The following RBFOX1 variants were observed in gnomAD, a reference collection of about 807,000 sequenced individuals.
RBFOX1 encodes RNA binding protein fox-1 homolog 1.
Under a neutral mutation model 57.7 loss-of-function variants are expected in RBFOX1, and 8 were observed. The observed-to-expected ratio is 0.14, with a 90% confidence interval of 0.08 to 0.25. The LOEUF (loss-of-function observed/expected upper bound fraction) is 0.25, where lower values mean the gene tolerates loss of function less well. Among genes scored for constraint, RBFOX1 ranks in the 10% least tolerant of loss-of-function variants. RBFOX1 has a pLI of 1.00. For missense variants in RBFOX1, 611 were observed against 548.5 expected (o/e 1.11, Z -1.14); for synonymous variants, 326 against 222.4 (o/e 1.47, Z -4.15).
At chr16:6,649,743 GT>G (rs2098564525) in intron 2 of RBFOX1, among the ~76,000 whole-genome samples, 1 of 152,052 alleles carries the variant, frequency 6.6e-6, no homozygotes, top group Non-Finnish European at 1.5e-5. Context: ...TGTTGGGGAA[GT>G]ATTTTATTAC....
intron 4 of RBFOX1, among the ~76,000 whole-genome samples, chr16:7,087,346 C>T (rs2060146033): frequency 6.6e-6 from 1 of 152,142 alleles, no homozygotes; most frequent in Non-Finnish European, 1.5e-5. Flanking sequence ...CACCCGCCAT[C>T]AGGAAATGGT....
downstream of RBFOX1, among the ~76,000 whole-genome samples, chr16:5,604,788 A>G (rs1027050528): frequency 6.6e-6 from 1 of 152,074 alleles, no homozygotes; most frequent in Non-Finnish European, 1.5e-5. Flanking sequence ...AAAGGGGCTC[A>G]TGGGCCCCCC....
At chr16:7,117,928 G>T (rs2151735409) in intron 4 of RBFOX1, among the ~76,000 whole-genome samples, 1 of 152,286 alleles carries the variant, frequency 6.6e-6, no homozygotes, top group Middle Eastern at 3.4e-3. Flanking sequence ...TGGAGAGAGA[G>T]ACAGAGACAG....
At chr16:5,429,645 G>A (rs550668722) in intron 1 of RBFOX1, among the ~76,000 whole-genome samples, 2 of 152,296 alleles carry the variant, frequency 1.3e-5, no homozygotes, top group South Asian at 4.1e-4. Context: ...TGAGGTGTGG[G>A]TGGCACAAAG....
chr16:5,605,067 A>C (rs780905037), downstream of RBFOX1, among the ~76,000 whole-genome samples: 1 of 151,992 alleles, frequency 6.6e-6, no homozygotes, highest in Non-Finnish European at 1.5e-5. Context: ...CTGAGCATTG[A>C]CTCAGGTTTG....
chr16:6,882,537 A>C (rs1381470591), intron 3 of RBFOX1, among the ~76,000 whole-genome samples: 1 of 152,126 alleles, frequency 6.6e-6, no homozygotes, highest in Admixed American at 6.6e-5. Context: ...GGGAGGTTGC[A>C]GTGAGCTGAG....
intron 2 of RBFOX1, among the ~76,000 whole-genome samples, chr16:6,593,208 A>G (rs980134442): frequency 3.3e-5 from 5 of 152,044 alleles, no homozygotes; most frequent in Non-Finnish European, 7.4e-5. Flanking sequence ...ATAAAATAAA[A>G]AAGAGAGTGG....
At chr16:7,141,694 CT>C (rs2073832351) in intron 4 of RBFOX1, among the ~76,000 whole-genome samples, 1 of 152,158 alleles carries the variant, frequency 6.6e-6, no homozygotes, top group African/African-American at 2.4e-5. Flanking sequence ...CTACTATAGT[CT>C]TTTGGATCCC....
intron 2 of RBFOX1, among the ~76,000 whole-genome samples, chr16:6,592,993 G>C (rs148786405): frequency 1.3e-5 from 2 of 152,130 alleles, no homozygotes; most frequent in African/African-American, 2.4e-5. Context: ...AGGAGTTCAC[G>C]ACTAGCCCGG....
chr16:6,874,985 A>T (rs1051831686), intron 3 of RBFOX1, among the ~76,000 whole-genome samples: 1 of 152,238 alleles, frequency 6.6e-6, no homozygotes, highest in African/African-American at 2.4e-5. Context: ...CCATGTTACT[A>T]ATCTTAAAAA....
At chr16:5,788,906 G>T (rs2054599206) in intron 3 of RBFOX1, among the ~76,000 whole-genome samples, 1 of 152,160 alleles carries the variant, frequency 6.6e-6, no homozygotes, top group African/African-American at 2.4e-5. Context: ...CACCCCATAT[G>T]TAAGGCTTTC....
intron 1 of RBFOX1, among the ~76,000 whole-genome samples, chr16:6,159,325 C>T (rs1308946518): frequency 6.6e-6 from 1 of 152,208 alleles, no homozygotes; most frequent in Non-Finnish European, 1.5e-5. Flanking sequence ...GATCTGCCCG[C>T]CTCGGCCTCC....
At chr16:6,735,681 C>T (rs978490153) in intron 3 of RBFOX1, among the ~76,000 whole-genome samples, 1 of 152,128 alleles carries the variant, frequency 6.6e-6, no homozygotes, top group Non-Finnish European at 1.5e-5. Context: ...TCTCTCAGAT[C>T]CCTAGGGTTG....
At chr16:5,849,217 T>C (rs781077313) in intron 3 of RBFOX1, among the ~76,000 whole-genome samples, 3 of 152,112 alleles carry the variant, frequency 2.0e-5, no homozygotes, top group African/African-American at 4.8e-5. Context: ...ATATTTCTAA[T>C]TTTATTTTCC....
Position 6,133,958 on chromosome 16 carries a change from T to C in RBFOX1, c.-127+113966T>C, listed in dbSNP as rs887119007. Among the ~76,000 whole-genome samples, 8 of 151,968 alleles carry C rather than the reference T, an allele frequency of 5.3e-5. No individual in the cohort carries two copies. The South Asian group carries it at 1.7e-3, about 32-fold the overall frequency. On this transcript the variant is annotated intron_variant, in intron 1 of 15. Coordinates refer to ENST00000550418, the MANE Select transcript of RBFOX1 (RefSeq NM_018723.4). ...CTTTCTTTTCTTTTTTTTTTTGGAATTGGAGTCTCATTCTGTCACCCAGGG... is the reference window on the plus strand; with the variant it reads ...CTTTCTTTTCTTTTTTTTTTTGGAACTGGAGTCTCATTCTGTCACCCAGGG...
intron 3 of RBFOX1, among the ~76,000 whole-genome samples, chr16:6,999,210 T>TA (rs2092556114): frequency 8.2e-5 from 5 of 60,802 alleles, no homozygotes; most frequent in Non-Finnish European, 1.2e-4. Flanking sequence ...TTTTTTATTT[T>TA]TATTTATTTT....
intron 3 of RBFOX1, among the ~76,000 whole-genome samples, chr16:6,700,175 GGGA>G (rs2061612597): frequency 6.6e-6 from 1 of 152,074 alleles, no homozygotes; most frequent in African/African-American, 2.4e-5. Flanking sequence ...CCAGAGTCGG[GGGA>G]CTTACTCAAT....
chr16:6,872,783 A>G (rs542764975), intron 3 of RBFOX1, among the ~76,000 whole-genome samples: 2 of 152,298 alleles, frequency 1.3e-5, no homozygotes, highest in East Asian at 3.9e-4. Flanking sequence ...AACTGAGATA[A>G]GAGTTGAATT....
chr16:7,155,286 G>C (rs2076858807), intron 4 of RBFOX1, among the ~76,000 whole-genome samples: 1 of 152,026 alleles, frequency 6.6e-6, no homozygotes, highest in Non-Finnish European at 1.5e-5. Context: ...CAAGTCTTGA[G>C]AAAGGAATCG....
Sources: gnomAD v4.1 joint callset for allele counts (sites outside exome capture counted in the v4.1 genomes callset) on GRCh38, gnomAD v4.1.1 for gene constraint, MANE v1.5 for transcripts, NCBI Gene and HGNC (gene_info 2026-07-23, HGNC 2026-07-21) for gene names.